EXOC4: variants seen among roughly 807,000 people sequenced by gnomAD.
EXOC4 encodes exocyst complex component 4, also known as SEC8-like 1.
Under a neutral mutation model 107.2 loss-of-function variants are expected in EXOC4, and 71 were observed. The ratio of observed to expected loss-of-function variants is 0.66; its 90% CI spans 0.55 to 0.81. EXOC4 has a LOEUF of 0.81. Ranked by LOEUF, EXOC4 falls within the 30% of genes least tolerant of loss-of-function variation. The pLI is 0.00. For synonymous variants in EXOC4, 456 were observed against 441.2 expected, an observed-to-expected ratio of 1.03 and a Z score of -0.42; for missense variants, 1,108 against 1,189.6, an observed-to-expected ratio of 0.93 and a Z score of 1.01.
chr7:133,699,848 A>T (rs1794619070), intron 10 of EXOC4, among the ~76,000 whole-genome samples: 1 of 152,194 alleles, frequency 6.6e-6, no homozygotes, highest in Non-Finnish European at 1.5e-5. Flanking sequence ...TAATGAATAA[A>T]ATTTATTGTT....
chr7:133,480,121 G>C lies in EXOC4; in HGVS notation c.1400G>C (p.Arg467Pro). 4 of 1,613,970 alleles carry C rather than the reference G, an allele frequency of 2.5e-6. No individual in the cohort carries two copies. The highest frequency in any genetic ancestry group is 3.4e-6 in the Non-Finnish European group (4 of 1,179,912). ...GAACAGAGAAGGGAGCTCTATAGTC[G>C]GAGTGGAGAACTGCAAGGTGAGTGA... ...LREQRRELYS[R>P]SGELQGGPDD... The change falls in exon 9 of 18, where the codon CGG becomes CCG. Residue 467 changes from arginine (R) to proline (P), a missense_variant. Physicochemically the swap from Arg to Pro is moderately radical, Grantham distance 103. Coordinates refer to ENST00000253861, the MANE Select transcript of EXOC4 (RefSeq NM_021807.4).
At chr7:133,715,586 AC>A (rs1031849360) in intron 10 of EXOC4, among the ~76,000 whole-genome samples, 1 of 151,614 alleles carries the variant, frequency 6.6e-6, no homozygotes, top group Non-Finnish European at 1.5e-5. Flanking sequence ...CAGTATAAAA[AC>A]CCTTATATTT....
At chr7:133,264,876 A>T (rs1278376315) in intron 1 of EXOC4, among the ~76,000 whole-genome samples, 2 of 152,262 alleles carry the variant, frequency 1.3e-5, no homozygotes, top group East Asian at 3.9e-4. Context: ...CTCTATTCAT[A>T]CTTAGGACAG....
At chr7:133,276,278 G>T (rs183869167) in intron 2 of EXOC4, among the ~76,000 whole-genome samples, 5 of 152,178 alleles carry the variant, frequency 3.3e-5, no homozygotes, top group African/African-American at 1.2e-4. Context: ...TTGGCCAAAG[G>T]ATGAACTGAT....
chr7:133,322,892 G>C (rs904323302), intron 5 of EXOC4, among the ~76,000 whole-genome samples: 2 of 152,114 alleles, frequency 1.3e-5, no homozygotes, highest in Non-Finnish European at 2.9e-5. Context: ...TTATTTCCTT[G>C]AGCAGTGGTT....
In EXOC4 at chr7:133,831,216, G is replaced by A. The variant is rs544206862; in HGVS notation, c.1734+13672G>A. Among the ~76,000 whole-genome samples, 37 of 152,224 alleles carry A rather than the reference G, an allele frequency of 2.4e-4. No individual in the cohort carries two copies. In the South Asian group the frequency reaches 7.7e-3, roughly 32 times the overall value. On this transcript the variant is annotated intron_variant, in intron 11 of 17. Coordinates refer to ENST00000253861, the MANE Select transcript of EXOC4 (RefSeq NM_021807.4). ...CTGACTTCGTGATCCACCTGCCTTG[G>A]CCTCCCAAAGTGCTGGGATTACAGG...
At chr7:133,499,947 G>C (rs1361045016) in intron 9 of EXOC4, among the ~76,000 whole-genome samples, 1 of 151,816 alleles carries the variant, frequency 6.6e-6, no homozygotes, top group Admixed American at 6.6e-5. Flanking sequence ...TCTTGATAGC[G>C]GTGTGAGAAC....
At chr7:133,264,928 C>T (rs1793689340) in intron 1 of EXOC4, among the ~76,000 whole-genome samples, 1 of 152,160 alleles carries the variant, frequency 6.6e-6, no homozygotes, top group Non-Finnish European at 1.5e-5. Flanking sequence ...ATGGTACTGT[C>T]AGCCATTTCT....
chr7:133,528,535 G>A (rs1239268223), intron 9 of EXOC4, among the ~76,000 whole-genome samples: 2 of 151,964 alleles, frequency 1.3e-5, no homozygotes, highest in South Asian at 2.1e-4. Flanking sequence ...GTTGGTTTTC[G>A]GGAAGAGGCT....
chr7:133,275,907 G>T (rs1793979457), intron 2 of EXOC4, among the ~76,000 whole-genome samples: 1 of 151,638 alleles, frequency 6.6e-6, no homozygotes, highest in Non-Finnish European at 1.5e-5. Context: ...CTGGGCTCAA[G>T]CAATCCTCCT....
intron 7 of EXOC4, among the ~76,000 whole-genome samples, chr7:133,454,394 C>T (rs1265344985): frequency 6.6e-6 from 1 of 152,070 alleles, no homozygotes; most frequent in Non-Finnish European, 1.5e-5. Flanking sequence ...TGCCTCCTGG[C>T]GAAGCGATTC....
chr7:133,680,967 A>G (rs922823463), intron 10 of EXOC4, among the ~76,000 whole-genome samples: 1 of 152,196 alleles, frequency 6.6e-6, no homozygotes, highest in Non-Finnish European at 1.5e-5. Flanking sequence ...ATTTTTACGA[A>G]AACCATTTTC....
At chr7:134,039,517 C>G (rs1237924586) in intron 17 of EXOC4, among the ~76,000 whole-genome samples, 1 of 152,138 alleles carries the variant, frequency 6.6e-6, no homozygotes, top group Non-Finnish European at 1.5e-5. Context: ...CAGGCAATCA[C>G]ACATACTAAT....
intron 10 of EXOC4, among the ~76,000 whole-genome samples, chr7:133,697,074 G>C (rs1439077179): frequency 6.6e-6 from 1 of 152,128 alleles, no homozygotes; most frequent in Non-Finnish European, 1.5e-5. Context: ...TCCATCCCTG[G>C]TGATTCTCAT....
intron 10 of EXOC4, among the ~76,000 whole-genome samples, chr7:133,745,710 CTTTTTTTTTT>C (rs766551871): frequency 1.6e-5 from 2 of 126,516 alleles, no homozygotes; most frequent in Non-Finnish European, 3.3e-5. Flanking sequence ...TCCTGTTACT[CTTTTTTTTTT>C]TTTTTTTTTC....
chr7:133,654,111 G>A (rs1455048027), intron 10 of EXOC4, among the ~76,000 whole-genome samples: 2 of 152,140 alleles, frequency 1.3e-5, no homozygotes, highest in East Asian at 3.9e-4. Context: ...GGTGGTCTCT[G>A]TCATTACAGC....
chr7:133,770,501 A>T (rs1796223878), intron 10 of EXOC4, among the ~76,000 whole-genome samples: 1 of 151,974 alleles, frequency 6.6e-6, no homozygotes, highest in South Asian at 2.1e-4. Context: ...GTTTGTAAAC[A>T]TTGAAAGTAA....
intron 3 of EXOC4, among the ~76,000 whole-genome samples, chr7:133,298,695 A>G (rs1316561191): frequency 6.6e-6 from 1 of 152,180 alleles, no homozygotes; most frequent in Non-Finnish European, 1.5e-5. Flanking sequence ...GATCTGTTAC[A>G]AGGCCTTTTA....
At chr7:133,378,329 T>C (rs1412383956) in intron 7 of EXOC4, among the ~76,000 whole-genome samples, 1 of 133,970 alleles carries the variant, frequency 7.5e-6, no homozygotes, top group African/African-American at 2.9e-5. Context: ...AAAAAAAGAG[T>C]TTTTCAGGCT....
Sources: allele counts gnomAD v4.1 joint callset (sites outside exome capture counted in the v4.1 genomes callset), GRCh38; gene constraint gnomAD v4.1.1; transcripts MANE v1.5; gene names NCBI Gene and HGNC (gene_info 2026-07-23, HGNC 2026-07-21).